Variants in TBC1D31 observed in about 807,000 individuals in gnomAD.
TBC1D31 encodes WD repeat domain 67.
Under a neutral mutation model 132.9 loss-of-function variants are expected in TBC1D31, and 99 were observed. That is an observed-to-expected ratio of 0.74 (90% CI 0.63 to 0.88). TBC1D31 has a LOEUF of 0.88. Among genes scored for constraint, TBC1D31 ranks in the 40% least tolerant of loss-of-function variants. TBC1D31 has a pLI of 0.00. For synonymous variants in TBC1D31, 385 were observed against 419.4 expected, an observed-to-expected ratio of 0.92 and a Z score of 1.00; for missense variants, 1,134 against 1,256.6, an observed-to-expected ratio of 0.90 and a Z score of 1.48.
chr8:123,142,224 G>C, intron 18 of TBC1D31, 38 bp from the exon 19 acceptor site: 1 of 1,481,152 alleles, frequency 6.8e-7, no homozygotes, highest in Non-Finnish European at 9.1e-7. Flanking sequence ...TGTACTAGTA[G>C]TTTGACCTTG....
chr8:123,102,456 G>T (rs181942338), intron 7 of TBC1D31: 36 of 341,002 alleles, frequency 1.1e-4, no homozygotes, highest in African/African-American at 7.4e-4. Context: ...AAATAAGAAT[G>T]TACAGAATAG....
chr8:123,086,351 G>A (rs1483064070), intron 4 of TBC1D31, among the ~76,000 whole-genome samples: 1 of 152,120 alleles, frequency 6.6e-6, no homozygotes, highest in African/African-American at 2.4e-5. Context: ...TCCTGACACT[G>A]CCTCAATGAA....
intron 2 of TBC1D31, among the ~76,000 whole-genome samples, chr8:123,081,076 C>T (rs1563668594): frequency 6.6e-6 from 1 of 152,184 alleles, no homozygotes; most frequent in African/African-American, 2.4e-5. Context: ...TCTCATTTTA[C>T]TGAAACAGTA....
intron 2 of TBC1D31, among the ~76,000 whole-genome samples, chr8:123,077,533 AT>A (rs33948089): frequency 0.025 from 3,630 of 143,478 alleles, 112 homozygotes; most frequent in African/African-American, 0.086. Flanking sequence ...ATTATTGCTA[AT>A]TTTTTTTTTT....
rs185925693 is a variant in TBC1D31 at position 123,141,886 on chromosome 8, A to G, written c.2641-376A>G. 6.3e-3 allele frequency among the ~76,000 whole-genome samples: 592 copies of G among 94,144 alleles called. 1 individual carries two copies. The highest frequency in any genetic ancestry group is 0.024 in the African/African-American group (556 of 23,564). 61.8% of individuals were successfully genotyped at this position (94,144 alleles called of 152,430 possible). On this transcript the variant is annotated intron_variant, in intron 18 of 21. Transcript: ENST00000287380. ...TTTTTTTTTTTTTTTGTAGAGATGG[A>G]GTCTTACTCTGTTACCCAGGCTGGA... is the stretch of plus-strand genomic sequence containing the variant.
Position 123,150,126 on chromosome 8 carries a change from A to C in TBC1D31, c.3065A>C (p.Gln1022Pro), listed in dbSNP as rs762627023. ...TCTTCTGAAATGGATCCCTCAACAC[A>C]GAGTAAGTTGATAAGCAAGAAAATG... Reference protein sequence around the residue: ...NDSSEMDPSTQISLNRRAVEW... With the variant: ...NDSSEMDPSTPISLNRRAVEW... The change falls in exon 21 of 22, where the codon CAG becomes CCG. Residue 1022 changes from glutamine to proline, a missense_variant and splice_region_variant. Transcript: ENST00000287380. The C allele has an allele frequency of 1.2e-6, 2 of 1,608,652 alleles. No homozygotes were observed. Among genetic ancestry groups the C allele is most frequent in the Non-Finnish European group, 1.7e-6 (2 of 1,175,352 alleles).
chr8:123,110,196 G>A lies in TBC1D31; in HGVS notation c.1436+576G>A, dbSNP rs75450795. Among the ~76,000 whole-genome samples, 58 of 152,260 alleles carry A rather than the reference G, an allele frequency of 3.8e-4. 1 individual carries two copies. In the East Asian group the frequency reaches 9.5e-3, roughly 25 times the overall value. On this transcript the variant is annotated intron_variant, in intron 10 of 21. Coordinates refer to ENST00000287380, the MANE Select transcript of TBC1D31 (RefSeq NM_145647.4). ...CCACTTAATGATTGTGATGTAAGAC[G>A]TGTTATTTTACTTCTTAGCCTTAAT...
intron 10 of TBC1D31, among the ~76,000 whole-genome samples, chr8:123,111,101 T>C (rs1002888605): frequency 4.2e-4 from 64 of 151,026 alleles, no homozygotes; most frequent in Non-Finnish European, 6.2e-4. Context: ...GTTTTTTTTT[T>C]CCCCCCTTTG....
chr8:123,147,282 C>T (rs1360400084), intron 20 of TBC1D31, among the ~76,000 whole-genome samples: 2 of 152,080 alleles, frequency 1.3e-5, no homozygotes, highest in East Asian at 3.9e-4. Context: ...AAGCAATTCT[C>T]CTGCCTCAGC....
At chr8:123,093,200 C>G (rs1423801987) in intron 4 of TBC1D31, among the ~76,000 whole-genome samples, 1 of 151,946 alleles carries the variant, frequency 6.6e-6, no homozygotes, top group Non-Finnish European at 1.5e-5. Context: ...CCGCCTGCTT[C>G]GGCCTCCCAA....
In TBC1D31 at chr8:123,150,026, T is replaced by G. The variant is rs756370322; in HGVS notation, c.2975-10T>G. 1.2e-5 allele frequency: 19 copies of G among 1,610,332 alleles called. No individual in the cohort carries two copies. The Admixed American group carries it at 3.2e-4, about 27-fold the overall frequency. On this transcript the variant is annotated splice_polypyrimidine_tract_variant and intron_variant, in intron 20 of 21. Coordinates refer to ENST00000287380, the MANE Select transcript of TBC1D31 (RefSeq NM_145647.4). ...CAAACATCATCTTAATCTCCTCACT[T>G]TTATAACAGAAGAACCCAGGTTCCA...
At chr8:123,107,709 G>A (rs1818068414) in intron 8 of TBC1D31, among the ~76,000 whole-genome samples, 2 of 152,232 alleles carry the variant, frequency 1.3e-5, no homozygotes, top group Non-Finnish European at 1.5e-5. Flanking sequence ...CAGCATTGTA[G>A]TGTGGATCCA....
At chr8:123,117,261 G>A (rs1819009334) in intron 10 of TBC1D31, among the ~76,000 whole-genome samples, 1 of 151,736 alleles carries the variant, frequency 6.6e-6, no homozygotes, top group Non-Finnish European at 1.5e-5. Flanking sequence ...GCTGCAATGA[G>A]CCCAGATCAC....
intron 17 of TBC1D31, among the ~76,000 whole-genome samples, chr8:123,135,876 G>A (rs1821045191): frequency 6.6e-6 from 1 of 151,798 alleles, no homozygotes; most frequent in African/African-American, 2.4e-5. Flanking sequence ...GCAATCGAAG[G>A]GTATAATTTT....
chr8:123,096,066 T>C (rs1816807388), intron 5 of TBC1D31, among the ~76,000 whole-genome samples: 1 of 152,228 alleles, frequency 6.6e-6, no homozygotes, highest in African/African-American at 2.4e-5. Context: ...TATAATAGCC[T>C]TCTTATTTGT....
chr8:123,116,050 G>T (rs16897994), intron 10 of TBC1D31, among the ~76,000 whole-genome samples: 45,607 of 151,916 alleles, frequency 0.3, 6,883 homozygotes, highest in African/African-American at 0.32. Context: ...AAGGGAATTA[G>T]CCTTAAAAAT....
At chr8:123,110,590 A>T (rs1459689876) in intron 10 of TBC1D31, among the ~76,000 whole-genome samples, 1 of 152,194 alleles carries the variant, frequency 6.6e-6, no homozygotes, top group Non-Finnish European at 1.5e-5. Context: ...CCCAGCTTCA[A>T]CAATTGCCAA....
chr8:123,075,965 A>G (rs1814466827), intron 1 of TBC1D31, among the ~76,000 whole-genome samples: 1 of 152,218 alleles, frequency 6.6e-6, no homozygotes, highest in Non-Finnish European at 1.5e-5. Flanking sequence ...CCTGTTATGA[A>G]AATAGTATGT....
chr8:123,125,240 A>T (rs140901786), intron 11 of TBC1D31, among the ~76,000 whole-genome samples: 214 of 152,368 alleles, frequency 1.4e-3, no homozygotes, highest in African/African-American at 5.0e-3. Flanking sequence ...CTTATTGAAC[A>T]AAACAAACCG....
Sources: gnomAD v4.1 joint callset for allele counts (sites outside exome capture counted in the v4.1 genomes callset) on GRCh38, gnomAD v4.1.1 for gene constraint, MANE v1.5 for transcripts, NCBI Gene and HGNC (gene_info 2026-07-23, HGNC 2026-07-21) for gene names.